KIAA1549L: variants seen among roughly 807,000 people sequenced by gnomAD.
The protein encoded by KIAA1549L is UPF0606 protein KIAA1549L.
A neutral mutation model predicts 160.7 loss-of-function variants in KIAA1549L; 88 were observed. That is an observed-to-expected ratio of 0.55 (90% confidence interval 0.46 to 0.65). KIAA1549L has a LOEUF of 0.65. Ranked by LOEUF, KIAA1549L falls within the 30% of genes least tolerant of loss-of-function variation. KIAA1549L has a pLI of 0.00. For missense variants in KIAA1549L, 2,258 were observed against 2,437.5 expected (o/e 0.93, Z 1.55); for synonymous variants, 950 against 976.7 (o/e 0.97, Z 0.51).
intron 17 of KIAA1549L, among the ~76,000 whole-genome samples, chr11:33,646,320 C>T (rs1389827881): frequency 6.6e-6 from 1 of 152,224 alleles, no homozygotes; most frequent in Admixed American, 6.5e-5. Context: ...TGACCATATT[C>T]TTCACGCACT....
At chr11:33,632,291 G>T (rs7947544) in intron 16 of KIAA1549L, among the ~76,000 whole-genome samples, 1 of 152,158 alleles carries the variant, frequency 6.6e-6, no homozygotes, top group Non-Finnish European at 1.5e-5. Flanking sequence ...CATCCTGTAT[G>T]GACCAGTGCA....
intron 17 of KIAA1549L, among the ~76,000 whole-genome samples, chr11:33,654,205 A>G (rs898768763): frequency 3.3e-5 from 5 of 150,618 alleles, no homozygotes; most frequent in African/African-American, 9.8e-5. Context: ...ATCTTCTGAC[A>G]TCGTGATCTG....
intron 17 of KIAA1549L, among the ~76,000 whole-genome samples, chr11:33,650,925 T>C (rs1851865686): frequency 6.6e-6 from 1 of 152,180 alleles, no homozygotes; most frequent in African/African-American, 2.4e-5. Context: ...AGGTTCCTTG[T>C]CTTTCAGATT....
At chr11:33,495,233 G>A (rs1010667186) in intron 1 of KIAA1549L, among the ~76,000 whole-genome samples, 6 of 151,742 alleles carry the variant, frequency 4.0e-5, no homozygotes, top group Admixed American at 6.6e-5. Flanking sequence ...CCACTAACTC[G>A]TCATCTAGCA....
intron 1 of KIAA1549L, among the ~76,000 whole-genome samples, chr11:33,435,951 C>T (rs1339969289): frequency 1.7e-5 from 2 of 114,868 alleles, no homozygotes; most frequent in African/African-American, 7.0e-5. Flanking sequence ...AACTTCAGAG[C>T]TAAAATATCT....
At chr11:33,607,632 T>G (rs577527528) in intron 14 of KIAA1549L, among the ~76,000 whole-genome samples, 7 of 152,338 alleles carry the variant, frequency 4.6e-5, no homozygotes, top group Middle Eastern at 3.4e-3. Flanking sequence ...AGGTTGGTTG[T>G]TAATTTCATT....
At chr11:33,435,852 G>T (rs866303929) in intron 1 of KIAA1549L, among the ~76,000 whole-genome samples, 3,944 of 104,408 alleles carry the variant, frequency 0.038, 949 homozygotes, top group African/African-American at 0.17. Flanking sequence ...ATGTGTGTGT[G>T]TGTGTGTGTG....
chr11:33,530,437 AT>A (rs1312696846), intron 1 of KIAA1549L, among the ~76,000 whole-genome samples: 139 of 3,126 alleles, frequency 0.044, 4 homozygotes, highest in Non-Finnish European at 0.057. Context: ...AAAAAAAAAA[AT>A]ATATATATAT....
intron 1 of KIAA1549L, among the ~76,000 whole-genome samples, chr11:33,416,917 C>T (rs1053424407): frequency 6.6e-5 from 10 of 152,264 alleles, no homozygotes; most frequent in African/African-American, 2.4e-4. Context: ...AAAACTCATT[C>T]ATCTGCTCAT....
At chr11:33,438,503 G>T (rs912150298) in intron 1 of KIAA1549L, among the ~76,000 whole-genome samples, 5 of 150,426 alleles carry the variant, frequency 3.3e-5, no homozygotes, top group Admixed American at 2.6e-4. Flanking sequence ...ACAGGTGGAG[G>T]GTTGCTGCTT....
intron 1 of KIAA1549L, among the ~76,000 whole-genome samples, chr11:33,470,028 TTATC>T (rs1441010091): frequency 1.3e-5 from 2 of 152,244 alleles, no homozygotes; most frequent in Admixed American, 1.3e-4. Context: ...GAAGTTCAAT[TTATC>T]TATTTTTTTT....
In KIAA1549L at chr11:33,574,847, A is replaced by G; in HGVS notation, c.4376A>G (p.His1459Arg). The G allele has an allele frequency of 6.2e-7, 1 of 1,613,934 alleles. No individual in the cohort carries two copies. Among genetic ancestry groups the G allele is most frequent in the Non-Finnish European group, 8.5e-7 (1 of 1,179,838 alleles). ...TCCCAAAGGATGGCCTTGACCCTTC[A>G]TCACGTTGTCCTTCTGCAAGCTGAC... ...IDSQRMALTLHHVVLLQADPV... is the reference protein window; with the variant it reads ...IDSQRMALTLRHVVLLQADPV... Residue 1459 changes from histidine to arginine, a missense_variant, in exon 10 of 21, where the codon CAT (histidine) becomes CGT (arginine). Around this residue, in one of 6 missense-constraint regions of KIAA1549L, gnomAD observed 1,359 missense variants for 1,546.6 expected, o/e 0.88. Coordinates refer to ENST00000658780, the MANE Select transcript of KIAA1549L (RefSeq NM_012194.3).
chr11:33,665,582 G>A (rs548824702), intron 20 of KIAA1549L: 2 of 122,240 alleles, frequency 1.6e-5, no homozygotes, highest in South Asian at 3.2e-4. Flanking sequence ...GGGAGGAAGT[G>A]TGTGCTGATT....
At chr11:33,562,647 C>T (rs1041614492) in intron 8 of KIAA1549L, among the ~76,000 whole-genome samples, 1 of 151,716 alleles carries the variant, frequency 6.6e-6, no homozygotes, top group African/African-American at 2.4e-5. Context: ...TTAGGGCTCC[C>T]CAGTATGACC....
At chr11:33,477,444 A>C (rs1852310424) in intron 1 of KIAA1549L, among the ~76,000 whole-genome samples, 1 of 151,850 alleles carries the variant, frequency 6.6e-6, no homozygotes, top group Non-Finnish European at 1.5e-5. Context: ...AAGATATTTA[A>C]TGTAGGGTTT....
chr11:33,642,184 C>T (rs1404133994), intron 16 of KIAA1549L, among the ~76,000 whole-genome samples: 4 of 152,118 alleles, frequency 2.6e-5, no homozygotes, highest in African/African-American at 9.7e-5. Context: ...GTTCAACTCT[C>T]CCATTTTACA....
intron 1 of KIAA1549L, among the ~76,000 whole-genome samples, chr11:33,402,092 A>T (rs1352581128): frequency 1.3e-5 from 2 of 151,772 alleles, no homozygotes; most frequent in Non-Finnish European, 2.9e-5. Flanking sequence ...CAATGTTACA[A>T]CTCCAGCATA....
intron 1 of KIAA1549L, among the ~76,000 whole-genome samples, chr11:33,538,126 GGTAAAGTGCTGA>G (rs1347828612): frequency 1.3e-5 from 2 of 152,298 alleles, no homozygotes; most frequent in African/African-American, 4.8e-5. Flanking sequence ...GTGGCAGGAA[GGTAAAGTGCTGA>G]GTGAAGTGGG....
chr11:33,656,129 G>A lies in KIAA1549L; in HGVS notation c.5858+20G>A. ...CAGGCGGTAACACGTTCCTTTCTTT[G>A]TTTTGTTTGGAATATTTGGAAAAGG... On this transcript the variant is annotated intron_variant, in intron 18 of 20. Transcript: ENST00000658780. 1.9e-6 allele frequency: 3 copies of A among 1,586,936 alleles called. No individual in the cohort carries two copies. The South Asian group carries it at 3.3e-5, about 18-fold the overall frequency.
Sources: gnomAD v4.1 joint callset for allele counts (sites outside exome capture counted in the v4.1 genomes callset) on GRCh38, gnomAD v4.1.1 for gene constraint, gnomAD v4.1.1 regional missense constraint, MANE v1.5 for transcripts, NCBI Gene and HGNC (gene_info 2026-07-23, HGNC 2026-07-21) for gene names.